The following MAML3 variants were observed in gnomAD, a reference collection of about 807,000 sequenced individuals.
MAML3 encodes the protein mastermind-like protein 3.
A neutral mutation model predicts 101.9 loss-of-function variants in MAML3; 27 were observed. The observed-to-expected ratio is 0.27, with a 90% CI of 0.20 to 0.37. The LOEUF (loss-of-function observed/expected upper bound fraction) is 0.37. Among genes scored for constraint, MAML3 ranks in the 10% least tolerant of loss-of-function variants. MAML3 has a pLI of 1.00. For missense variants in MAML3, 1,316 were observed against 1,444.9 expected (o/e 0.91, Z 1.45); for synonymous variants, 501 against 555.9 (o/e 0.90, Z 1.39).
chr4:140,134,587 T>C (rs1268034421), intron 1 of MAML3: 1 of 336,692 alleles, frequency 3.0e-6, no homozygotes, highest in Non-Finnish European at 5.9e-6. Flanking sequence ...TAAACTCCGA[T>C]GAGTGATTAG....
intron 1 of MAML3, among the ~76,000 whole-genome samples, chr4:140,093,574 G>A (rs554928160): frequency 4.5e-4 from 69 of 151,768 alleles, no homozygotes; most frequent in Non-Finnish European, 7.4e-4. Context: ...CCGCCACCAC[G>A]CCCTGCTAAT....
At chr4:139,757,302 C>G (rs1227689657) in intron 2 of MAML3, among the ~76,000 whole-genome samples, 1 of 152,108 alleles carries the variant, frequency 6.6e-6, no homozygotes, top group East Asian at 1.9e-4. Flanking sequence ...CTCTAGCCAC[C>G]AGGTCCTGAG....
intron 1 of MAML3, among the ~76,000 whole-genome samples, chr4:140,040,118 T>C (rs993433848): frequency 1.1e-4 from 16 of 152,168 alleles, no homozygotes; most frequent in Admixed American, 6.5e-5. Context: ...TTTTCCTTTA[T>C]AGGTATTTAC....
intron 2 of MAML3, among the ~76,000 whole-genome samples, chr4:139,743,769 C>A (rs1435271994): frequency 6.6e-6 from 1 of 152,188 alleles, no homozygotes; most frequent in Non-Finnish European, 1.5e-5. Flanking sequence ...AACACTACCT[C>A]TTAATCATAT....
intron 1 of MAML3, among the ~76,000 whole-genome samples, chr4:139,967,273 C>T (rs1347447926): frequency 6.6e-6 from 1 of 152,062 alleles, no homozygotes; most frequent in Non-Finnish European, 1.5e-5. Context: ...AAATTCACAG[C>T]TCTTCCCTGA....
chr4:140,056,344 G>GTTTTC (rs911508167), intron 1 of MAML3, among the ~76,000 whole-genome samples: 5 of 150,422 alleles, frequency 3.3e-5, no homozygotes, highest in African/African-American at 4.9e-5. Context: ...GCTAATCTTA[G>GTTTTC]TTTTCTTTTC....
At chr4:139,895,047 G>A (rs990884137) in intron 1 of MAML3, among the ~76,000 whole-genome samples, 1 of 152,240 alleles carries the variant, frequency 6.6e-6, no homozygotes, top group Non-Finnish European at 1.5e-5. Flanking sequence ...GGACAGAGAA[G>A]GAAACGAAGC....
At chr4:139,968,731 C>A (rs1483838612) in intron 1 of MAML3, among the ~76,000 whole-genome samples, 4 of 152,168 alleles carry the variant, frequency 2.6e-5, no homozygotes, top group African/African-American at 9.7e-5. Context: ...TAGTTCCACT[C>A]CAGAAACCAG....
intron 1 of MAML3, among the ~76,000 whole-genome samples, chr4:139,979,022 A>C (rs1159200902): frequency 6.6e-6 from 1 of 152,192 alleles, no homozygotes; most frequent in Non-Finnish European, 1.5e-5. Flanking sequence ...AAGCCTGCTT[A>C]TGTGGTACTA....
At chr4:140,002,910 C>G (rs1726347268) in intron 1 of MAML3, among the ~76,000 whole-genome samples, 1 of 152,198 alleles carries the variant, frequency 6.6e-6, no homozygotes, top group Non-Finnish European at 1.5e-5. Flanking sequence ...AGTGGTTCCC[C>G]AGGTAGGCAC....
intron 2 of MAML3, among the ~76,000 whole-genome samples, chr4:139,739,828 A>G (rs1729098433): frequency 6.6e-6 from 1 of 151,520 alleles, no homozygotes; most frequent in Admixed American, 6.6e-5. Context: ...CAAATTTTAT[A>G]TTATGAATAT....
At chr4:139,971,410 A>G (rs900217955) in intron 1 of MAML3, among the ~76,000 whole-genome samples, 2 of 152,232 alleles carry the variant, frequency 1.3e-5, no homozygotes, top group Non-Finnish European at 2.9e-5. Context: ...GTATAACTAT[A>G]TTTAATGATA....
At chr4:140,037,204 T>C (rs774691279) in intron 1 of MAML3, among the ~76,000 whole-genome samples, 5 of 143,716 alleles carry the variant, frequency 3.5e-5, no homozygotes, top group Middle Eastern at 3.6e-3. Context: ...AGACTGTGTA[T>C]AGGGAAGCAC....
chr4:139,967,999 C>T (rs1330376765), intron 1 of MAML3, among the ~76,000 whole-genome samples: 1 of 150,772 alleles, frequency 6.6e-6, no homozygotes, highest in Non-Finnish European at 1.5e-5. Context: ...AAAAGAAAAG[C>T]CAGGTGCAGT....
chr4:139,751,634 A>G (rs1449973703), intron 2 of MAML3, among the ~76,000 whole-genome samples: 1 of 152,138 alleles, frequency 6.6e-6, no homozygotes, highest in Non-Finnish European at 1.5e-5. Flanking sequence ...ATAACCCACA[A>G]TAGCCCCTAA....
intron 2 of MAML3, chr4:139,740,409 ATGGACTGAAAG>A (rs1729121834): frequency 6.6e-6 from 1 of 152,180 alleles, no homozygotes; most frequent in Admixed American, 6.5e-5. Flanking sequence ...GTCAGGACAC[ATGGACTGAAAG>A]TGGTTTGTCA....
intron 2 of MAML3, among the ~76,000 whole-genome samples, chr4:139,748,739 G>T (rs1165102817): frequency 6.7e-5 from 9 of 134,246 alleles, no homozygotes. Flanking sequence ...AATGCAACTA[G>T]CTTTGGAAAG....
At chr4:139,724,775 CTT>C (rs34621312) in intron 4 of MAML3, among the ~76,000 whole-genome samples, 215 of 130,218 alleles carry the variant, frequency 1.7e-3, no homozygotes, top group Middle Eastern at 8.1e-3. Context: ...CCTCAAGGGT[CTT>C]TTTTTTTTTT....
chr4:139,910,641 T>C (rs926647727), intron 1 of MAML3, among the ~76,000 whole-genome samples: 4 of 152,106 alleles, frequency 2.6e-5, no homozygotes, highest in Non-Finnish European at 5.9e-5. Context: ...AATGGAGATA[T>C]TAGGTGTGAC....
Sources: allele counts gnomAD v4.1 joint callset (sites outside exome capture counted in the v4.1 genomes callset), GRCh38; gene constraint gnomAD v4.1.1; transcripts MANE v1.5; gene names NCBI Gene and HGNC (gene_info 2026-07-23, HGNC 2026-07-21).